The following SPRY3 variants were observed in gnomAD, a reference collection of about 807,000 sequenced individuals.
SPRY3 encodes sprouty RTK signaling antagonist 3.
In SPRY3, 15 loss-of-function variants were observed where a neutral mutation model predicts 20.2. The observed-to-expected ratio is 0.74, with a 90% CI of 0.50 to 1.14. The LOEUF (loss-of-function observed/expected upper bound fraction) is 1.14. SPRY3 is among the 50% of genes most tolerant of loss of function. The probability of loss-of-function intolerance (pLI) is 0.00; values close to 1 mark genes in which losing one functional copy is unlikely to be tolerated. For missense variants in SPRY3, 364 were observed against 363.9 expected (o/e 1.00, Z 0.00); for synonymous variants, 143 against 136.5 (o/e 1.05, Z -0.33).
Position 155,728,800 on chromosome X carries a change from G to A in SPRY3, c.-281-39162G>A, listed in dbSNP as rs930805562. Among the ~76,000 whole-genome samples the A allele has an allele frequency of 1.1e-4, 17 of 152,166 alleles. No individual in the cohort carries two copies. The Middle Eastern group carries it at 0.031, about 274-fold the overall frequency. On this transcript the variant is annotated intron_variant, in intron 2 of 3. Coordinates refer to ENST00000675360, the Ensembl canonical transcript of SPRY3. ...GCGACACCCTGCCCTGCTTTGACTC[G>A]CCCACCGTGGGCTGGACCCACTGAA... is the stretch of plus-strand genomic sequence containing the variant.
At chrX:155,664,792 G>A (rs2124555097) in intron 2 of SPRY3, among the ~76,000 whole-genome samples, 1 of 109,754 alleles carries the variant, frequency 9.1e-6, no homozygotes, top group African/African-American at 3.3e-5. Context: ...GCGTGTGTGT[G>A]TGTGTTTGTG....
At chrX:155,627,096 A>G (rs1237181334) in intron 1 of SPRY3, among the ~76,000 whole-genome samples, 12 of 111,878 alleles carry the variant, frequency 1.1e-4, no homozygotes, top group African/African-American at 3.9e-4. Context: ...TGAGAATGCA[A>G]CATCCAATCT....
chrX:155,721,542 C>G (rs306928), intron 2 of SPRY3, among the ~76,000 whole-genome samples: 19,582 of 151,872 alleles, frequency 0.13, 2,153 homozygotes, highest in African/African-American at 0.31. Flanking sequence ...AAGAAAGGAT[C>G]CTAAAAGTAG....
chrX:155,633,369 T>C (rs2067912872), intron 1 of SPRY3, among the ~76,000 whole-genome samples: 2 of 71,145 alleles, frequency 2.8e-5, no homozygotes, highest in Non-Finnish European at 4.9e-5. Flanking sequence ...TGAAACCCCG[T>C]CTCTACTAAA....
intron 3 of SPRY3, among the ~76,000 whole-genome samples, chrX:155,770,628 TTCTCTC>T (rs371698358): frequency 1.8e-4 from 26 of 146,442 alleles, no homozygotes; most frequent in African/African-American, 2.5e-4. Flanking sequence ...GATGTGTACA[TTCTCTC>T]TCTCTCTCTC....
At chrX:155,693,001 T>C (rs933560933) in intron 2 of SPRY3, among the ~76,000 whole-genome samples, 2 of 110,898 alleles carry the variant, frequency 1.8e-5, no homozygotes, top group African/African-American at 6.5e-5. Flanking sequence ...TTCTATTTCA[T>C]TGTTTTTTCC....
chrX:155,763,826 T>C (rs1205001646), intron 2 of SPRY3, among the ~76,000 whole-genome samples: 1 of 152,226 alleles, frequency 6.6e-6, no homozygotes, highest in Non-Finnish European at 1.5e-5. Flanking sequence ...TGCCCTAGTC[T>C]CTTTTTCAGT....
chrX:155,777,219 A>T (rs2091432853), downstream of SPRY3: 1 of 167,008 alleles, frequency 6.0e-6, no homozygotes. Context: ...GAGCTCAGTT[A>T]TCTAAGGATT....
At chrX:155,710,560 T>G (rs1445181317) in intron 2 of SPRY3, among the ~76,000 whole-genome samples, 1 of 151,568 alleles carries the variant, frequency 6.6e-6, no homozygotes, top group African/African-American at 2.4e-5. Flanking sequence ...ATAGGTTTCT[T>G]ATGGAGTCTT....
chrX:155,695,019 A>C (rs748714204), intron 2 of SPRY3, among the ~76,000 whole-genome samples: 1 of 111,667 alleles, frequency 9.0e-6, no homozygotes, highest in Non-Finnish European at 1.9e-5. Flanking sequence ...TATTAAAACT[A>C]TATGTATTAA....
At chrX:155,714,011 T>A (rs903492931) in intron 2 of SPRY3, among the ~76,000 whole-genome samples, 3 of 152,206 alleles carry the variant, frequency 2.0e-5, no homozygotes, top group African/African-American at 7.2e-5. Flanking sequence ...GCATGTCAGT[T>A]GCATTTTTAA....
At chrX:155,648,731 A>G (rs977734602) in intron 1 of SPRY3, among the ~76,000 whole-genome samples, 1 of 111,634 alleles carries the variant, frequency 9.0e-6, no homozygotes, top group Non-Finnish European at 1.9e-5. Context: ...GTCAGATAGC[A>G]TGATGCCTCC....
chrX:155,710,651 ATTTC>A (rs2090980069), intron 2 of SPRY3, among the ~76,000 whole-genome samples: 1 of 151,598 alleles, frequency 6.6e-6, no homozygotes, highest in African/African-American at 2.4e-5. Flanking sequence ...GAGGTCCTTT[ATTTC>A]TTTCTCTTGT....
At chrX:155,752,754 G>A (rs1286265296) in intron 2 of SPRY3, among the ~76,000 whole-genome samples, 1 of 151,694 alleles carries the variant, frequency 6.6e-6, no homozygotes, top group Non-Finnish European at 1.5e-5. Flanking sequence ...AATATACTTG[G>A]TTGGCAAGAG....
chrX:155,713,720 T>C (rs2091002722), intron 2 of SPRY3, among the ~76,000 whole-genome samples: 1 of 152,116 alleles, frequency 6.6e-6, no homozygotes, highest in African/African-American at 2.4e-5. Context: ...TTCTTGTGCT[T>C]GAATGTTATC....
At chrX:155,690,272 G>A (rs1341350966) in intron 2 of SPRY3, among the ~76,000 whole-genome samples, 2 of 88,899 alleles carry the variant, frequency 2.2e-5, no homozygotes, top group East Asian at 3.3e-4. Flanking sequence ...GCCATGTGGC[G>A]ATGAAAAGAA....
At chrX:155,745,160 C>T (rs1183079802) in intron 2 of SPRY3, among the ~76,000 whole-genome samples, 2 of 151,988 alleles carry the variant, frequency 1.3e-5, no homozygotes, top group East Asian at 3.9e-4. Flanking sequence ...AAACTTATCC[C>T]AGACCAACTT....
intron 1 of SPRY3, among the ~76,000 whole-genome samples, chrX:155,628,846 A>G (rs1046594418): frequency 3.6e-5 from 4 of 111,928 alleles, no homozygotes; most frequent in Non-Finnish European, 5.6e-5. Context: ...AATAGGAATG[A>G]GGCAATATCT....
intron 2 of SPRY3, among the ~76,000 whole-genome samples, chrX:155,728,669 G>A (rs185969776): frequency 3.9e-4 from 60 of 152,288 alleles, no homozygotes; most frequent in African/African-American, 1.4e-3. Context: ...CATGGGAAAA[G>A]CACAGTATTT....
Sources: gnomAD v4.1 joint callset for allele counts (sites outside exome capture counted in the v4.1 genomes callset) on GRCh38, gnomAD v4.1.1 for gene constraint, MANE v1.5 for transcripts, NCBI Gene and HGNC (gene_info 2026-07-23, HGNC 2026-07-21) for gene names.